TCF4: variants seen among roughly 807,000 people sequenced by gnomAD.
The protein encoded by TCF4 is SL3-3 enhancer factor 2.
Under a neutral mutation model 82.1 loss-of-function variants are expected in TCF4, and 3 were observed. That is an observed-to-expected ratio of 0.04 (90% CI 0.02 to 0.09). The LOEUF (loss-of-function observed/expected upper bound fraction) is 0.09, where lower values mean the gene tolerates loss of function less well. Ranked by LOEUF, TCF4 falls within the 10% of genes least tolerant of loss-of-function variation. The pLI is 1.00. For synonymous variants in TCF4, 276 were observed against 309.6 expected, an observed-to-expected ratio of 0.89 and a Z score of 1.14; for missense variants, 518 against 852.7, an observed-to-expected ratio of 0.61 and a Z score of 4.89.
intron 8 of TCF4, among the ~76,000 whole-genome samples, chr18:55,332,969 C>T (rs1259498967): frequency 1.3e-5 from 2 of 152,154 alleles, no homozygotes; most frequent in African/African-American, 2.4e-5. Context: ...GATCTAAATA[C>T]ACAGAAGCCC....
intron 11 of TCF4, chr18:55,266,112 A>G (rs1338322166): frequency 6.6e-6 from 1 of 152,044 alleles, no homozygotes; most frequent in East Asian, 1.9e-4. Flanking sequence ...ACCCTTGAGC[A>G]GTCTCAGTGG....
intron 15 of TCF4, among the ~76,000 whole-genome samples, chr18:55,237,178 A>C (rs1454212506): frequency 5.9e-5 from 9 of 152,166 alleles, no homozygotes; most frequent in Admixed American, 5.9e-4. Context: ...TGTTATATAG[A>C]AATAATAGCC....
rs2144270400 is a variant in TCF4, at chr18:55,224,888, T to C, written c.*3147A>G. The C allele has an allele frequency of 6.6e-6, 1 of 152,482 alleles. No individual in the cohort carries two copies. Among genetic ancestry groups the C allele is most frequent in the East Asian group, 1.9e-4 (1 of 5,200 alleles). The allele number at this position is 152,482 out of a possible 1,614,324, so 9.4% of individuals were successfully genotyped here. On this transcript the variant is annotated 3_prime_UTR_variant, in exon 20 of 20. Coordinates refer to ENST00000354452, the MANE Select transcript of TCF4 (RefSeq NM_001083962.2). ...TTAAAGTCCGAGTTTCTGAAAGAGA[T>C]CCCCAGCCTAAGTGTCGTCATACAG... is the stretch of plus-strand genomic sequence containing the variant.
intron 15 of TCF4, 111 bp downstream of exon 15, chr18:55,254,386 T>C (rs1431086232): frequency 9.7e-7 from 1 of 1,027,682 alleles, no homozygotes; most frequent in Non-Finnish European, 1.5e-6. Context: ...GTATGTTAAG[T>C]GAATTATATC....
chr18:55,489,918 A>G (rs1478704089), intron 3 of TCF4, among the ~76,000 whole-genome samples: 1 of 152,192 alleles, frequency 6.6e-6, no homozygotes, highest in East Asian at 1.9e-4. Flanking sequence ...ATTCAATCAG[A>G]CCACATTCAA....
At chr18:55,588,199 A>G (rs2097671591), upstream of TCF4, 14 of 1,221,884 alleles carry the variant, frequency 1.1e-5, no homozygotes, top group African/African-American at 1.6e-5. Flanking sequence ...CCGCAGACAC[A>G]CAGCCAAGAT....
At chr18:55,461,698 G>A (rs760396574) in intron 4 of TCF4, among the ~76,000 whole-genome samples, 1 of 152,142 alleles carries the variant, frequency 6.6e-6, no homozygotes, top group African/African-American at 2.4e-5. Flanking sequence ...ACTAGGATAT[G>A]AACATCAAAA....
chr18:55,273,739 G>A (rs918149290), intron 10 of TCF4, among the ~76,000 whole-genome samples: 5 of 152,198 alleles, frequency 3.3e-5, no homozygotes, highest in African/African-American at 7.2e-5. Flanking sequence ...TTGCAAATAT[G>A]GCTTCTGATA....
chr18:55,302,760 C>G, intron 8 of TCF4: 1 of 659,848 alleles, frequency 1.5e-6, no homozygotes, highest in Non-Finnish European at 2.4e-6. Context: ...CATGAGGCGT[C>G]CCCTGGATAA....
chr18:55,566,779 C>G (rs1252666640), intron 3 of TCF4, among the ~76,000 whole-genome samples: 1 of 151,804 alleles, frequency 6.6e-6, no homozygotes, highest in African/African-American at 2.4e-5. Context: ...AATCGGAATC[C>G]CCAAAGAAGA....
intron 8 of TCF4, chr18:55,321,975 C>G (rs1194148043): frequency 1.5e-6 from 2 of 1,302,008 alleles, no homozygotes; most frequent in South Asian, 2.6e-5. Context: ...TGATGGAGCT[C>G]GAAATCCTAA....
At chr18:55,456,708 T>C (rs1382584591) in intron 5 of TCF4, among the ~76,000 whole-genome samples, 1 of 152,214 alleles carries the variant, frequency 6.6e-6, no homozygotes, top group East Asian at 1.9e-4. Flanking sequence ...AAAAAGTTTT[T>C]TTTAATGTCC....
intron 2 of TCF4, among the ~76,000 whole-genome samples, chr18:55,621,447 T>A (rs1384886077): frequency 9.3e-6 from 1 of 107,758 alleles, no homozygotes; most frequent in African/African-American, 3.5e-5. Context: ...AATATATATA[T>A]AATATATATA....
chr18:55,298,423 C>G (rs1484091513), intron 8 of TCF4, among the ~76,000 whole-genome samples: 2 of 152,176 alleles, frequency 1.3e-5, no homozygotes, highest in African/African-American at 4.8e-5. Flanking sequence ...AAGTGACCCA[C>G]CATGTTCGAA....
intron 8 of TCF4, among the ~76,000 whole-genome samples, chr18:55,346,390 TC>T (rs1174180731): frequency 6.6e-6 from 1 of 152,186 alleles, no homozygotes; most frequent in African/African-American, 2.4e-5. Context: ...GATCCATGTG[TC>T]CCAAATTATC....
chr18:55,259,890 A>G, intron 13 of TCF4, 59 bp downstream of exon 13: 1 of 1,427,714 alleles, frequency 7.0e-7, no homozygotes, highest in Non-Finnish European at 9.9e-7. Flanking sequence ...CAGGAAGTAC[A>G]AGGGGGGAAT....
At chr18:55,583,724 A>C (rs190108914) in intron 3 of TCF4, among the ~76,000 whole-genome samples, 9 of 152,134 alleles carry the variant, frequency 5.9e-5, no homozygotes, top group African/African-American at 1.9e-4. Context: ...AACTGAATAC[A>C]CATTTTTAAG....
chr18:55,264,126 C>T (rs1290585013), intron 11 of TCF4, among the ~76,000 whole-genome samples: 2 of 152,032 alleles, frequency 1.3e-5, no homozygotes, highest in Non-Finnish European at 2.9e-5. Context: ...ATATTATGAC[C>T]AATCTGATTT....
At chr18:55,260,243 A>G (rs555987744) in intron 12 of TCF4, among the ~76,000 whole-genome samples, 2 of 152,326 alleles carry the variant, frequency 1.3e-5, no homozygotes, top group African/African-American at 4.8e-5. Context: ...GGATGGTGGG[A>G]AAAGAGCCAG....
Sources: gnomAD v4.1 joint callset for allele counts (sites outside exome capture counted in the v4.1 genomes callset) on GRCh38, gnomAD v4.1.1 for gene constraint, MANE v1.5 for transcripts, NCBI Gene and HGNC (gene_info 2026-07-23, HGNC 2026-07-21) for gene names.